The following ABTB3 variants were observed in gnomAD, a reference collection of about 807,000 sequenced individuals.
The protein encoded by ABTB3 is ankyrin repeat and BTB domain containing 3.
the ABTB3 span, among the ~76,000 whole-genome samples, chr12:107,355,918 C>T: frequency 6.6e-6 from 1 of 152,178 alleles, no homozygotes; most frequent in African/African-American, 2.4e-5. Context: ...CTTCATAAGT[C>T]ACTTCTACCT....
At chr12:107,613,964 T>C in the ABTB3 span, among the ~76,000 whole-genome samples, 1 of 152,148 alleles carries the variant, frequency 6.6e-6, no homozygotes, top group South Asian at 2.1e-4. Context: ...ATTTGGAATC[T>C]GTGGGGATTT....
chr12:107,651,621 C>A, the ABTB3 span: 2 of 1,302,492 alleles, frequency 1.5e-6, no homozygotes, highest in Non-Finnish European at 2.2e-6. Flanking sequence ...CTTATTGTTA[C>A]CTCCTTTCCA....
At chr12:107,604,148 G>A in the ABTB3 span, among the ~76,000 whole-genome samples, 14 of 150,780 alleles carry the variant, frequency 9.3e-5, no homozygotes, top group African/African-American at 2.7e-4. Context: ...CAGCCTGGGC[G>A]ACAGAGTGAG....
the ABTB3 span, among the ~76,000 whole-genome samples, chr12:107,392,504 T>G: frequency 6.6e-6 from 1 of 152,192 alleles, no homozygotes; most frequent in Non-Finnish European, 1.5e-5. Flanking sequence ...GTTCTGTGTC[T>G]GGGCCCAGAT....
At chr12:107,378,796 A>G in the ABTB3 span, among the ~76,000 whole-genome samples, 1 of 152,152 alleles carries the variant, frequency 6.6e-6, no homozygotes, top group East Asian at 1.9e-4. Flanking sequence ...CACTTGTGAA[A>G]ACGTCCCCTG....
the ABTB3 span, among the ~76,000 whole-genome samples, chr12:107,407,973 T>G: frequency 6.6e-6 from 1 of 152,056 alleles, no homozygotes; most frequent in African/African-American, 2.4e-5. Context: ...CCTGGAATGC[T>G]TCCCCCCAAC....
the ABTB3 span, among the ~76,000 whole-genome samples, chr12:107,543,168 T>G: frequency 6.6e-6 from 1 of 151,914 alleles, no homozygotes; most frequent in Non-Finnish European, 1.5e-5. Context: ...AAAACTCATC[T>G]CTACTAAAAT....
the ABTB3 span, among the ~76,000 whole-genome samples, chr12:107,337,043 G>A: frequency 6.6e-6 from 1 of 152,242 alleles, no homozygotes; most frequent in Non-Finnish European, 1.5e-5. Context: ...GGAAATGATT[G>A]CCCATTATCC....
the ABTB3 span, among the ~76,000 whole-genome samples, chr12:107,451,380 C>T: frequency 1.3e-5 from 2 of 152,168 alleles, no homozygotes; most frequent in Non-Finnish European, 2.9e-5. Context: ...CCCTGCAACC[C>T]TCTGCTGCGT....
chr12:107,408,708 C>T, the ABTB3 span, among the ~76,000 whole-genome samples: 1 of 152,198 alleles, frequency 6.6e-6, no homozygotes, highest in Admixed American at 6.5e-5. Flanking sequence ...TTGAGACCAC[C>T]CCTGGCTTCC....
chr12:107,649,199 C>T, the ABTB3 span: 1 of 1,610,690 alleles, frequency 6.2e-7, no homozygotes, highest in Non-Finnish European at 8.5e-7. Flanking sequence ...TCTGTGTTTT[C>T]TTCCAGCTGG....
chr12:107,319,852 C>G, the ABTB3 span: 7 of 1,215,392 alleles, frequency 5.8e-6, no homozygotes, highest in Non-Finnish European at 7.4e-6. Flanking sequence ...GCAGCGCAGC[C>G]AGCAGCGCCA....
chr12:107,529,213 AGAT>A, the ABTB3 span, among the ~76,000 whole-genome samples: 1 of 122,510 alleles, frequency 8.2e-6, no homozygotes, highest in African/African-American at 3.2e-5. Flanking sequence ...ATGATGATGG[AGAT>A]GATGATGGTG....
the ABTB3 span, among the ~76,000 whole-genome samples, chr12:107,453,834 T>C: frequency 2.0e-5 from 3 of 152,054 alleles, no homozygotes; most frequent in Non-Finnish European, 4.4e-5. Context: ...ATGTACAGAT[T>C]GGAGCAAAAT....
At chr12:107,557,182 T>C in the ABTB3 span, among the ~76,000 whole-genome samples, 1 of 152,224 alleles carries the variant, frequency 6.6e-6, no homozygotes, top group African/African-American at 2.4e-5. Context: ...GTGGGAACAT[T>C]GTAGAGTGTA....
chr12:107,481,695 C>G, the ABTB3 span, among the ~76,000 whole-genome samples: 1 of 152,192 alleles, frequency 6.6e-6, no homozygotes, highest in Non-Finnish European at 1.5e-5. Flanking sequence ...CATTCAGTAA[C>G]CAAAACATCC....
At chr12:107,546,074 G>C in the ABTB3 span, among the ~76,000 whole-genome samples, 1 of 152,002 alleles carries the variant, frequency 6.6e-6, no homozygotes, top group African/African-American at 2.4e-5. Flanking sequence ...ATTCTTTTCT[G>C]CCTCATACTT....
At chr12:107,414,950 G>C in the ABTB3 span, among the ~76,000 whole-genome samples, 3 of 152,072 alleles carry the variant, frequency 2.0e-5, no homozygotes, top group South Asian at 4.2e-4. Context: ...CTGACCTCAA[G>C]TGATCCACCT....
chr12:107,578,383 C>CTTTTTTTTTTTTTTTTTTTTTT, the ABTB3 span, among the ~76,000 whole-genome samples: 12 of 57,198 alleles, frequency 2.1e-4, 2 homozygotes, highest in East Asian at 6.9e-4. Flanking sequence ...CTTTCTTCTT[C>CTTTTTTTTTTTTTTTTTTTTTT]TTTTTTTTTT....
Sources: allele counts gnomAD v4.1 joint callset (sites outside exome capture counted in the v4.1 genomes callset), GRCh38; gene constraint gnomAD v4.1.1; transcripts MANE v1.5; gene names NCBI Gene and HGNC (gene_info 2026-07-23, HGNC 2026-07-21).